Variants in KDM1A observed in about 807,000 individuals in gnomAD.
The protein encoded by KDM1A is lysine-specific histone demethylase 1A.
In KDM1A, 49 loss-of-function variants were observed where a neutral mutation model predicts 109.4. The ratio of observed to expected loss-of-function variants is 0.45; its 90% CI spans 0.36 to 0.57. KDM1A has a LOEUF of 0.57. Among genes scored for constraint, KDM1A ranks in the 20% least tolerant of loss-of-function variants. The pLI is 0.00. For synonymous variants in KDM1A, 380 were observed against 415.4 expected, an observed-to-expected ratio of 0.91 and a Z score of 1.04; for missense variants, 668 against 1,116.6, an observed-to-expected ratio of 0.60 and a Z score of 5.73.
chr1:23,070,918 G>GT (rs1455906163), intron 12 of KDM1A, among the ~76,000 whole-genome samples: 2 of 152,088 alleles, frequency 1.3e-5, no homozygotes, highest in East Asian at 1.9e-4. Context: ...TCAATACTGG[G>GT]TTTTTTCTTT....
intron 10 of KDM1A, among the ~76,000 whole-genome samples, chr1:23,066,475 T>G (rs895106110): frequency 6.6e-6 from 1 of 152,232 alleles, no homozygotes; most frequent in Non-Finnish European, 1.5e-5. Flanking sequence ...CCCTTTGTGA[T>G]TGTCATCCTA....
At chr1:23,059,279 A>G (rs1642929793) in intron 9 of KDM1A, 112 bp downstream of exon 9, 1 of 779,214 alleles carries the variant, frequency 1.3e-6, no homozygotes, top group Admixed American at 1.9e-5. Flanking sequence ...AGGTGTATAT[A>G]TATATAAACT....
At chr1:23,027,398 G>A (rs2124356211) in intron 1 of KDM1A, among the ~76,000 whole-genome samples, 1 of 144,864 alleles carries the variant, frequency 6.9e-6, no homozygotes, top group East Asian at 2.0e-4. Flanking sequence ...AAAGGTAGAA[G>A]GTTGGTTTTG....
chr1:23,025,734 G>A (rs1029061524), intron 1 of KDM1A, among the ~76,000 whole-genome samples: 6 of 152,128 alleles, frequency 3.9e-5, no homozygotes, highest in Admixed American at 6.6e-5. Context: ...TAGCTTTAGG[G>A]AACTTAGAGG....
chr1:23,019,593 C>T lies in KDM1A; in HGVS notation c.-4C>T, dbSNP rs572600814. 2 of 1,412,532 alleles carry T rather than the reference C, an allele frequency of 1.4e-6. No individual in the cohort carries two copies. The highest frequency in any genetic ancestry group is 1.8e-6 in the Non-Finnish European group (2 of 1,092,968). The allele number at this position is 1,412,532 out of a possible 1,614,324, so 87.5% of individuals were successfully genotyped here. A position where few individuals can be genotyped will look rare whatever the true frequency, so the allele number is the denominator to read the frequency against. ...TACGGCCGTCGGCGGCCCGGCGGCC[C>T]GAGATGTTATCTGGGAAGAAGGCGG... On this transcript the variant is annotated 5_prime_UTR_variant, in exon 1 of 21. Coordinates refer to ENST00000400181, the MANE Select transcript of KDM1A (RefSeq NM_001009999.3).
chr1:23,026,339 G>A (rs1269434802), intron 1 of KDM1A, among the ~76,000 whole-genome samples: 1 of 151,398 alleles, frequency 6.6e-6, no homozygotes, highest in Non-Finnish European at 1.5e-5. Flanking sequence ...GGAATGCAAC[G>A]TGAAAGGAAA....
rs767988319 is a variant in KDM1A, at chr1:23,053,755, A to G, written c.712-6A>G. 1 of 1,586,940 alleles carries G rather than the reference A, an allele frequency of 6.3e-7. No individual in the cohort carries two copies. The highest frequency in any genetic ancestry group is 1.7e-5 in the Admixed American group (1 of 59,900). ...ATGTAATACAATTTATGTCATTTAA[A>G]TGCAGCTGCAGTTGTGGTTGGATAA... On this transcript the variant is annotated splice_polypyrimidine_tract_variant and splice_region_variant and intron_variant, in intron 4 of 20. Coordinates refer to ENST00000400181, the MANE Select transcript of KDM1A (RefSeq NM_001009999.3).
intron 12 of KDM1A, among the ~76,000 whole-genome samples, chr1:23,070,292 G>A (rs1339458184): frequency 6.6e-6 from 1 of 152,182 alleles, no homozygotes; most frequent in African/African-American, 2.4e-5. Flanking sequence ...GCCAAATGGT[G>A]AAACCCCTTC....
intron 12 of KDM1A, 45 bp from the exon 13 acceptor site, chr1:23,071,180 C>A: frequency 6.5e-7 from 1 of 1,541,632 alleles, no homozygotes; most frequent in Non-Finnish European, 8.8e-7. Flanking sequence ...TAGACATAAA[C>A]TACATTGCTA....
At chr1:23,036,115 G>A (rs761108909) in intron 2 of KDM1A, among the ~76,000 whole-genome samples, 2 of 151,920 alleles carry the variant, frequency 1.3e-5, no homozygotes, top group Non-Finnish European at 2.9e-5. Context: ...TTCTCAAGTG[G>A]CTAATCCCAG....
intron 7 of KDM1A, among the ~76,000 whole-genome samples, 197 bp from the exon 8 acceptor site, chr1:23,057,287 G>A (rs536747836): frequency 1.3e-5 from 2 of 152,266 alleles, no homozygotes; most frequent in South Asian, 4.1e-4. Context: ...TATGTCATTT[G>A]TTGCCTGCTT....
chr1:23,056,911 A>G (rs1292628444), intron 7 of KDM1A, among the ~76,000 whole-genome samples: 3 of 151,946 alleles, frequency 2.0e-5, no homozygotes, highest in Admixed American at 6.6e-5. Context: ...GTCAGCAGTG[A>G]TAAACCTGGG....
intron 2 of KDM1A, among the ~76,000 whole-genome samples, chr1:23,042,440 ATTTTTTTTTTTTTTTTTTTT>A (rs769149894): frequency 9.3e-5 from 2 of 21,562 alleles, no homozygotes; most frequent in South Asian, 1.3e-3. Context: ...GAAATATATT[ATTTTTTTTTTTTTTTTTTTT>A]TTTTTTTTTT....
At chr1:23,063,359 G>T (rs1181515248) in intron 9 of KDM1A, among the ~76,000 whole-genome samples, 1 of 152,044 alleles carries the variant, frequency 6.6e-6, no homozygotes, top group African/African-American at 2.4e-5. Context: ...CAGACAGCAT[G>T]TGAAAAGTAA....
intron 20 of KDM1A, 56 bp from the exon 21 acceptor site, chr1:23,083,123 A>G (rs754064631): frequency 4.0e-5 from 60 of 1,490,468 alleles, no homozygotes; most frequent in Non-Finnish European, 5.3e-5. Context: ...CAATTTAAGT[A>G]CAAGAATAAA....
At chr1:23,075,602 T>C (rs1312294635) in intron 15 of KDM1A, among the ~76,000 whole-genome samples, 1 of 151,194 alleles carries the variant, frequency 6.6e-6, no homozygotes, top group East Asian at 2.0e-4. Flanking sequence ...AAGTAAATTA[T>C]TAAATTTTTA....
At chr1:23,081,380 C>G (rs1643616991) in intron 18 of KDM1A, 66 bp from the exon 19 acceptor site, 2 of 1,585,290 alleles carry the variant, frequency 1.3e-6, no homozygotes, top group Admixed American at 1.7e-5. Context: ...AAGGTGGGGC[C>G]TGATAAGGAA....
chr1:23,034,608 T>C (rs1642087834), intron 2 of KDM1A, among the ~76,000 whole-genome samples: 1 of 152,198 alleles, frequency 6.6e-6, no homozygotes, highest in South Asian at 2.1e-4. Context: ...TTTTTTATTT[T>C]CACATGGAAA....
At chr1:23,082,691 T>C in intron 20 of KDM1A, 1 of 233,796 alleles carries the variant, frequency 4.3e-6, no homozygotes, top group Non-Finnish European at 8.4e-6. Context: ...CTGTAAGGTC[T>C]CAATTACTAG....
Sources: gnomAD v4.1 joint callset for allele counts (sites outside exome capture counted in the v4.1 genomes callset) on GRCh38, gnomAD v4.1.1 for gene constraint, MANE v1.5 for transcripts, NCBI Gene and HGNC (gene_info 2026-07-23, HGNC 2026-07-21) for gene names.